LRP1B: variants seen among roughly 807,000 people sequenced by gnomAD.
LRP1B encodes low-density lipoprotein receptor-related protein 1B.
In LRP1B, 217 loss-of-function variants were observed where a neutral mutation model predicts 556.6. The observed-to-expected ratio is 0.39, with a 90% CI of 0.35 to 0.44. The LOEUF (loss-of-function observed/expected upper bound fraction) is 0.44, where lower values mean the gene tolerates loss of function less well. Among genes scored for constraint, LRP1B ranks in the 20% least tolerant of loss-of-function variants. The pLI is 1.00. For missense variants in LRP1B, 5,053 were observed against 5,620.8 expected (o/e 0.90, Z 3.23); for synonymous variants, 2,047 against 1,865.8 (o/e 1.10, Z -2.50).
chr2:141,030,079 C>G (rs1485310775), intron 11 of LRP1B, among the ~76,000 whole-genome samples: 1 of 152,150 alleles, frequency 6.6e-6, no homozygotes, highest in Non-Finnish European at 1.5e-5. Flanking sequence ...TTTGATTCCT[C>G]TAAATGAGTT....
intron 86 of LRP1B, among the ~76,000 whole-genome samples, chr2:140,258,488 A>G (rs925325664): frequency 2.0e-5 from 3 of 152,078 alleles, no homozygotes; most frequent in African/African-American, 7.2e-5. Context: ...TTATGCCAAA[A>G]TTTACCTAAT....
intron 1 of LRP1B, among the ~76,000 whole-genome samples, chr2:142,077,268 A>G (rs926492332): frequency 1.3e-5 from 2 of 152,072 alleles, no homozygotes; most frequent in African/African-American, 2.4e-5. Flanking sequence ...TATTCTTATA[A>G]AGAGTTAGAA....
At chr2:141,923,186 T>G (rs1700233961) in intron 1 of LRP1B, among the ~76,000 whole-genome samples, 1 of 151,728 alleles carries the variant, frequency 6.6e-6, no homozygotes, top group Non-Finnish European at 1.5e-5. Context: ...AAATTAGGCA[T>G]GTACCACAAA....
At chr2:141,243,896 T>A (rs1369282803) in intron 5 of LRP1B, among the ~76,000 whole-genome samples, 1 of 152,164 alleles carries the variant, frequency 6.6e-6, no homozygotes, top group African/African-American at 2.4e-5. Context: ...GTCTAAAATC[T>A]CCTCCCTTCA....
chr2:141,375,246 C>T (rs1368110144), intron 3 of LRP1B, among the ~76,000 whole-genome samples: 1 of 152,068 alleles, frequency 6.6e-6, no homozygotes, highest in African/African-American at 2.4e-5. Context: ...ATGAAGTAGT[C>T]TTAAGGCTCC....
chr2:142,116,153 A>G (rs1294482847), intron 1 of LRP1B, among the ~76,000 whole-genome samples: 1 of 138,494 alleles, frequency 7.2e-6, no homozygotes, highest in Non-Finnish European at 1.5e-5. Flanking sequence ...AGACCGCAAC[A>G]CTGAACTCCA....
intron 18 of LRP1B, among the ~76,000 whole-genome samples, chr2:140,966,365 T>C (rs576384989): frequency 3.3e-5 from 5 of 152,366 alleles, no homozygotes; most frequent in African/African-American, 1.2e-4. Flanking sequence ...GAGAAGTGTC[T>C]GTTCATATCC....
At chr2:141,832,032 G>A (rs1413253372) in intron 1 of LRP1B, among the ~76,000 whole-genome samples, 1 of 151,570 alleles carries the variant, frequency 6.6e-6, no homozygotes, top group Non-Finnish European at 1.5e-5. Context: ...TAAATACCTA[G>A]TCTACATTTA....
intron 7 of LRP1B, among the ~76,000 whole-genome samples, chr2:141,136,099 C>T (rs978048658): frequency 2.0e-5 from 3 of 151,792 alleles, no homozygotes; most frequent in Admixed American, 2.0e-4. Flanking sequence ...TCAATTAGAA[C>T]ATATTAAAGC....
chr2:140,370,867 C>A (rs770451009), intron 70 of LRP1B, 25 bp from the exon 71 acceptor site: 3 of 1,609,324 alleles, frequency 1.9e-6, no homozygotes, highest in Admixed American at 1.7e-5. Context: ...ATGGACACTG[C>A]AGTTTTCATT....
rs1224196914 is a variant in LRP1B, at chr2:141,331,514, C to CT, written c.344-76874dup. Among the ~76,000 whole-genome samples the CT allele has an allele frequency of 3.9e-3, 247 of 63,092 alleles. 1 individual carries two copies. Among genetic ancestry groups the CT allele is most frequent in the Non-Finnish European group, 6.3e-3 (183 of 28,982 alleles). 41.4% of individuals were successfully genotyped at this position (63,092 alleles called of 152,430 possible). A position where few individuals can be genotyped will look rare whatever the true frequency, so the allele number is the denominator to read the frequency against. On this transcript the variant is annotated intron_variant, in intron 3 of 90. Coordinates refer to ENST00000389484, the MANE Select transcript of LRP1B (RefSeq NM_018557.3). ...TCTTTCTTTCTTTCCTTCTTTCTTT[C>CT]TTTCTTTCTCTTTCTTTCTTTCTTT...
At chr2:141,840,697 T>C (rs1461836641) in intron 1 of LRP1B, among the ~76,000 whole-genome samples, 2 of 152,124 alleles carry the variant, frequency 1.3e-5, no homozygotes, top group African/African-American at 2.4e-5. Context: ...CATAAGTGAA[T>C]TCTATAATAG....
chr2:141,046,468 A>C (rs1698873008), intron 11 of LRP1B, among the ~76,000 whole-genome samples: 1 of 152,192 alleles, frequency 6.6e-6, no homozygotes, highest in Non-Finnish European at 1.5e-5. Context: ...TGGAAAGAAA[A>C]AAGATAAACT....
At chr2:141,428,417 A>T (rs76689673) in intron 3 of LRP1B, among the ~76,000 whole-genome samples, 3,772 of 151,968 alleles carry the variant, frequency 0.025, 78 homozygotes, top group East Asian at 0.092. Flanking sequence ...AAGTATATTT[A>T]AAAAAAAATC....
intron 8 of LRP1B, 95 bp downstream of exon 8, chr2:141,061,956 C>T (rs868201067): frequency 2.2e-6 from 2 of 925,866 alleles, no homozygotes; most frequent in African/African-American, 3.3e-5. Flanking sequence ...CTCATTGCAG[C>T]TCGACTTTAC....
intron 32 of LRP1B, among the ~76,000 whole-genome samples, chr2:140,782,386 T>C (rs1403725260): frequency 6.6e-6 from 1 of 152,152 alleles, no homozygotes; most frequent in Admixed American, 6.5e-5. Flanking sequence ...TGACTGGTTT[T>C]CTTATAGGAA....
intron 7 of LRP1B, among the ~76,000 whole-genome samples, chr2:141,082,992 A>G (rs761621012): frequency 2.0e-5 from 3 of 152,214 alleles, no homozygotes; most frequent in Non-Finnish European, 4.4e-5. Flanking sequence ...CTGACCCAAG[A>G]GTAACAAATA....
At chr2:140,473,733 T>G (rs1228807504) in intron 60 of LRP1B, among the ~76,000 whole-genome samples, 2 of 151,866 alleles carry the variant, frequency 1.3e-5, no homozygotes, top group African/African-American at 2.4e-5. Flanking sequence ...CAATGAAATT[T>G]TAGTAGAAAG....
At chr2:141,398,914 C>T (rs1690346012) in intron 3 of LRP1B, among the ~76,000 whole-genome samples, 2 of 152,124 alleles carry the variant, frequency 1.3e-5, no homozygotes, top group African/African-American at 2.4e-5. Flanking sequence ...CTTACAGAGG[C>T]TGCACATAAA....
Sources: gnomAD v4.1 joint callset for allele counts (sites outside exome capture counted in the v4.1 genomes callset) on GRCh38, gnomAD v4.1.1 for gene constraint, MANE v1.5 for transcripts, NCBI Gene and HGNC (gene_info 2026-07-23, HGNC 2026-07-21) for gene names.